UBOX5: variants seen among roughly 807,000 people sequenced by gnomAD.
UBOX5 encodes U-box domain containing 5.
Under a neutral mutation model 39.0 loss-of-function variants are expected in UBOX5, and 28 were observed. The ratio of observed to expected loss-of-function variants is 0.72; its 90% CI spans 0.53 to 0.98. The LOEUF (loss-of-function observed/expected upper bound fraction) is 0.98, where lower values mean the gene tolerates loss of function less well. UBOX5 is among the 50% of genes least tolerant of loss of function. UBOX5 has a pLI of 0.00. For synonymous variants in UBOX5, 283 were observed against 275.5 expected (o/e 1.03, Z -0.27); for missense variants, 585 against 674.4 (o/e 0.87, Z 1.47).
At chr20:3,152,091 A>G (rs1600418827) in intron 1 of UBOX5, among the ~76,000 whole-genome samples, 2 of 118,420 alleles carry the variant, frequency 1.7e-5, no homozygotes, top group South Asian at 5.5e-4. Context: ...GGTGACAGAG[A>G]CTCTGTCTCA....
At chr20:3,121,287 T>C (rs1208866599) in intron 3 of UBOX5, 97 bp downstream of exon 3, 7 of 1,498,730 alleles carry the variant, frequency 4.7e-6, no homozygotes, top group Admixed American at 2.2e-5. Flanking sequence ...GCCTCGGGAA[T>C]GTAAGCTGGC....
chr20:3,118,607 A>T (rs1268047568), intron 3 of UBOX5, among the ~76,000 whole-genome samples: 2 of 152,038 alleles, frequency 1.3e-5, no homozygotes, highest in Non-Finnish European at 2.9e-5. Context: ...CGTCTCTACT[A>T]AAAGTATTAA....
chr20:3,144,870 G>A (rs1189176194), intron 1 of UBOX5, among the ~76,000 whole-genome samples: 1 of 152,138 alleles, frequency 6.6e-6, no homozygotes, highest in African/African-American at 2.4e-5. Flanking sequence ...CGTCAGACTT[G>A]GGAACCATTG....
At chr20:3,130,077 A>T (rs538966465) in intron 1 of UBOX5, among the ~76,000 whole-genome samples, 7 of 152,166 alleles carry the variant, frequency 4.6e-5, no homozygotes, top group Admixed American at 3.9e-4. Flanking sequence ...AAAAAATTTT[A>T]AAAATATTAG....
rs2066601498 is a variant in UBOX5 at position 3,149,309 on chromosome 20, T to C, written c.-42+10457A>G. On this transcript the variant is annotated intron_variant, in intron 1 of 4. Transcript: ENST00000217173. This position sits in a 1 kb window ranked among gnomAD's most constrained non-coding sequence, Gnocchi z 4.1. ...TGAGTGGCTTCTACCTATAAAAGCA[T>C]CCAAATTTACACATTATAAAAAACA... 1.9e-6 allele frequency: 1 copy of C among 517,862 alleles called. No homozygotes were observed. Among genetic ancestry groups the C allele is most frequent in the East Asian group, 3.1e-5 (1 of 32,302 alleles). The allele number at this position is 517,862 out of a possible 1,614,324, so 32.1% of individuals were successfully genotyped here.
intron 1 of UBOX5, among the ~76,000 whole-genome samples, chr20:3,154,451 G>C (rs2066664296): frequency 6.6e-6 from 1 of 152,238 alleles, no homozygotes; most frequent in African/African-American, 2.4e-5. Flanking sequence ...GGAGGCCAAA[G>C]TGAGAAGATC....
rs1190468018 is a variant in UBOX5 at position 3,110,911 on chromosome 20, G to A, written c.1418-597C>T. The stretch of plus-strand genomic sequence containing the variant: ...AGGTTGGGGAAGTGTGAGAAGGGAG[G>A]TCAGCAGAGACAAGGCTGAGGCCTG... On this transcript the variant is annotated intron_variant, in intron 4 of 4. Transcript: ENST00000217173. Among the ~76,000 whole-genome samples, 3 of 151,978 alleles carry A rather than the reference G, an allele frequency of 2.0e-5. No individual in the cohort carries two copies. In the East Asian group the frequency reaches 5.8e-4, roughly 29 times the overall value.
At position 3,110,260 on chromosome 20, in the gene UBOX5, G is replaced by GA; in HGVS notation, c.1471dup (p.Ser491PhefsTer25). 3 of 1,614,144 alleles carry GA rather than the reference G, an allele frequency of 1.9e-6. No individual in the cohort carries two copies. The highest frequency in any genetic ancestry group is 2.5e-6 in the Non-Finnish European group (3 of 1,180,022). ...CACCGGCTCCTTTTTGAAGTAGGGA[G>GA]AAAATACTCTTTTGCAGGAGGCACA... On this transcript the variant is annotated frameshift_variant, in exon 5 of 5. Transcript: ENST00000217173. LOFTEE classifies it high-confidence loss of function.
At chr20:3,127,821 C>T (rs2066402159) in intron 1 of UBOX5, among the ~76,000 whole-genome samples, 1 of 151,684 alleles carries the variant, frequency 6.6e-6, no homozygotes, top group Non-Finnish European at 1.5e-5. Flanking sequence ...TGTGTGTGGA[C>T]CTACACACAT....
chr20:3,155,069 A>G (rs967676530), intron 1 of UBOX5, among the ~76,000 whole-genome samples: 59 of 144,734 alleles, frequency 4.1e-4, no homozygotes, highest in African/African-American at 1.3e-3. Context: ...AAAAAAAAAA[A>G]AAAGAAAAGA....
rs2066240418 is a variant in UBOX5, at chr20:3,109,988, G to A, written c.*118C>T. The A allele has an allele frequency of 2.5e-6, 3 of 1,209,804 alleles. No homozygotes were observed. The South Asian group carries it at 3.9e-5, about 16-fold the overall frequency. The allele number at this position is 1,209,804 out of a possible 1,614,324, so 74.9% of individuals were successfully genotyped here. A position where few individuals can be genotyped will look rare whatever the true frequency, so the allele number is the denominator to read the frequency against. On this transcript the variant is annotated 3_prime_UTR_variant, in exon 5 of 5. Transcript: ENST00000217173. Reference sequence around the variant, plus strand: ...GTGAGGTGATGAAGAAGAGCCCCGGGAGGGAGCAGGCAGCTCTGTGCCTGG... The same window carrying A: ...GTGAGGTGATGAAGAAGAGCCCCGGAAGGGAGCAGGCAGCTCTGTGCCTGG...
chr20:3,124,547 C>T (rs1179664185), intron 1 of UBOX5, among the ~76,000 whole-genome samples: 2 of 152,128 alleles, frequency 1.3e-5, no homozygotes, highest in African/African-American at 4.8e-5. Flanking sequence ...GCCGCCACCC[C>T]ATCTAGGAAG....
chr20:3,118,899 A>G (rs1370781987), intron 3 of UBOX5, among the ~76,000 whole-genome samples: 1 of 152,180 alleles, frequency 6.6e-6, no homozygotes, highest in African/African-American at 2.4e-5. Context: ...AGATCACACC[A>G]CTGCACTCTA....
At chr20:3,110,479 A>C in intron 4 of UBOX5, 165 bp from the exon 5 acceptor site, 1 of 742,480 alleles carries the variant, frequency 1.3e-6, no homozygotes, top group Non-Finnish European at 2.2e-6. Flanking sequence ...CGGGAGAGGG[A>C]GCCTGGGAAC....
At chr20:3,130,684 T>C (rs962087851) in intron 1 of UBOX5, among the ~76,000 whole-genome samples, 9 of 152,180 alleles carry the variant, frequency 5.9e-5, no homozygotes, top group Non-Finnish European at 1.3e-4. Context: ...AACTGGTCAT[T>C]CCTATATAGG....
chr20:3,110,469 C>G (rs2422845), intron 4 of UBOX5, 155 bp from the exon 5 acceptor site: 548,854 of 819,260 alleles, frequency 0.67, 190,089 homozygotes, highest in East Asian at 1. Flanking sequence ...GGAGTGGAAG[C>G]GGGAGAGGGA....
rs1178554688 is a variant in UBOX5 at position 3,123,495 on chromosome 20, TG to T, written c.-41-90del. On this transcript the variant is annotated intron_variant, in intron 1 of 4. Transcript: ENST00000217173. ...TGATTCTTAAGAGAATCAAACAGGA[TG>T]GCAACAAAAACTTGAACACACACAC... 2.1e-5 allele frequency: 20 copies of T among 939,572 alleles called. No homozygotes were observed. The Admixed American group carries it at 4.1e-4, about 19-fold the overall frequency. 58.2% of individuals were successfully genotyped at this position (939,572 alleles called of 1,614,324 possible). A position where few individuals can be genotyped will look rare whatever the true frequency, so the allele number is the denominator to read the frequency against.
chr20:3,109,561 G>GCCGTA lies in UBOX5; in HGVS notation c.*544_*545insTACGG. On this transcript the variant is annotated 3_prime_UTR_variant, in exon 5 of 5. Transcript: ENST00000217173. ...TCCACTTGTGTGGGTGCAGGTGGGC[G>GCCGTA]ACAGGAGTGTGTGACACAGACAGGC... The GCCGTA allele has an allele frequency of 6.0e-6, 1 of 167,056 alleles. No homozygotes were observed. Among genetic ancestry groups the GCCGTA allele is most frequent in the Non-Finnish European group, 1.3e-5 (1 of 75,622 alleles). 10.3% of individuals were successfully genotyped at this position (167,056 alleles called of 1,614,324 possible).
In UBOX5 at chr20:3,148,982, T is replaced by C. The variant is rs760552756; in HGVS notation, c.-42+10784A>G. 9 of 1,614,084 alleles carry C rather than the reference T, an allele frequency of 5.6e-6. No individual in the cohort carries two copies. The South Asian group carries it at 9.9e-5, about 18-fold the overall frequency. On this transcript the variant is annotated intron_variant, in intron 1 of 4. Transcript: ENST00000217173. ...ATGCTGTGTGCTGCTCACATTCCAG[T>C]ATGACACACTTCGGACTGCACCAAA...
Sources: gnomAD v4.1 joint callset for allele counts (sites outside exome capture counted in the v4.1 genomes callset) on GRCh38, gnomAD v4.1.1 for gene constraint, Gnocchi (gnomAD v3.1) non-coding constraint, MANE v1.5 for transcripts, NCBI Gene and HGNC (gene_info 2026-07-23, HGNC 2026-07-21) for gene names.